FAM227A: variants seen among roughly 807,000 people sequenced by gnomAD.
FAM227A encodes the protein family with sequence similarity 227 member A.
Under a neutral mutation model 74.7 loss-of-function variants are expected in FAM227A, and 80 were observed. The observed-to-expected ratio is 1.07, with a 90% CI of 0.89 to 1.29. The LOEUF is 1.29. Ranked by LOEUF, FAM227A falls within the 50% of genes most tolerant of loss-of-function variation. The probability of loss-of-function intolerance (pLI) is 0.00; values close to 1 mark genes in which losing one functional copy is unlikely to be tolerated. For missense variants in FAM227A, 654 were observed against 683.4 expected (o/e 0.96, Z 0.48); for synonymous variants, 237 against 241.8 (o/e 0.98, Z 0.19).
At chr22:38,633,983 C>T (rs1014119336) in intron 6 of FAM227A, among the ~76,000 whole-genome samples, 5 of 151,860 alleles carry the variant, frequency 3.3e-5, no homozygotes, top group African/African-American at 9.7e-5. Context: ...CTTTGGGAGG[C>T]GGAGGCAGGT....
intron 11 of FAM227A, among the ~76,000 whole-genome samples, chr22:38,610,916 G>A (rs956613703): frequency 3.3e-5 from 5 of 151,866 alleles, no homozygotes; most frequent in Admixed American, 1.3e-4. Context: ...AAAAATTAGC[G>A]GGGAGTGGTG....
chr22:38,636,146 A>G (rs1011258904), intron 6 of FAM227A, among the ~76,000 whole-genome samples: 3 of 152,178 alleles, frequency 2.0e-5, no homozygotes, highest in Non-Finnish European at 4.4e-5. Context: ...GCATACTCAT[A>G]TGCATTGTAG....
At chr22:38,601,375 G>A (rs1411086774) in intron 13 of FAM227A, among the ~76,000 whole-genome samples, 1 of 151,408 alleles carries the variant, frequency 6.6e-6, no homozygotes, top group Non-Finnish European at 1.5e-5. Context: ...AGGACAGCAG[G>A]TGCAACAGAT....
chr22:38,638,096 C>T (rs139448877), intron 5 of FAM227A, among the ~76,000 whole-genome samples: 73 of 152,218 alleles, frequency 4.8e-4, no homozygotes, highest in African/African-American at 1.7e-3. Flanking sequence ...ACCCTGGGGG[C>T]GGAGGTTGCA....
chr22:38,621,409 T>C (rs925240572), intron 10 of FAM227A, among the ~76,000 whole-genome samples: 1 of 139,172 alleles, frequency 7.2e-6, no homozygotes, highest in Non-Finnish European at 1.5e-5. Context: ...ACTCCCTGAG[T>C]GTGCATGATG....
chr22:38,607,898 G>C (rs1327451947), intron 11 of FAM227A, among the ~76,000 whole-genome samples: 1 of 152,116 alleles, frequency 6.6e-6, no homozygotes, highest in East Asian at 1.9e-4. Flanking sequence ...TGTTTCACTG[G>C]GCAACTACTA....
chr22:38,641,952 T>TGC (rs1254438779), intron 3 of FAM227A, among the ~76,000 whole-genome samples: 1 of 137,294 alleles, frequency 7.3e-6, no homozygotes, highest in Non-Finnish European at 1.6e-5. Context: ...CGAAAAGGTG[T>TGC]GTGTGTGTGT....
intron 12 of FAM227A, among the ~76,000 whole-genome samples, chr22:38,607,006 G>A (rs1292462652): frequency 5.3e-5 from 8 of 151,844 alleles, no homozygotes; most frequent in Admixed American, 3.9e-4. Context: ...GTGAAACCGC[G>A]TCTCTACTAA....
At chr22:38,638,705 C>G in intron 5 of FAM227A, 41 bp downstream of exon 5, 1 of 1,392,802 alleles carries the variant, frequency 7.2e-7, no homozygotes. Flanking sequence ...TCATGCCTAG[C>G]AGAAGCCGGT....
At chr22:38,605,426 A>C in intron 12 of FAM227A, 78 bp from the exon 13 acceptor site, 1 of 815,476 alleles carries the variant, frequency 1.2e-6, no homozygotes, top group Admixed American at 2.2e-5. Context: ...AGTAGCTGGA[A>C]TTACAGGTGT....
chr22:38,617,402 T>C (rs958736855), intron 11 of FAM227A, among the ~76,000 whole-genome samples: 7 of 147,606 alleles, frequency 4.7e-5, no homozygotes, highest in Non-Finnish European at 1.0e-4. Context: ...TTAAAGCAAA[T>C]CTCTTGCCTC....
At position 38,585,922 on chromosome 22, in the gene FAM227A, G is replaced by A. The variant is rs2090796505; in HGVS notation, c.*203C>T. On this transcript the variant is annotated 3_prime_UTR_variant, in exon 17 of 17. Transcript: ENST00000535113. ...TGAAAGAGTAAATCTATGAATAAAT[G>A]TAGTGACCCAAGCACCAACTCTCTA... 1.7e-6 allele frequency: 2 copies of A among 1,191,390 alleles called. No homozygotes were observed. The highest frequency in any genetic ancestry group is 3.4e-5 in the South Asian group (2 of 59,094). 73.8% of individuals were successfully genotyped at this position (1,191,390 alleles called of 1,614,324 possible).
At chr22:38,654,775 CAAAAAAAAA>C (rs34383650) in intron 1 of FAM227A, among the ~76,000 whole-genome samples, 1 of 84,950 alleles carries the variant, frequency 1.2e-5, no homozygotes, top group East Asian at 3.2e-4. Flanking sequence ...CTAAAAATAC[CAAAAAAAAA>C]AAAAAAAAAA....
At chr22:38,642,662 G>C (rs2092141703) in intron 3 of FAM227A, among the ~76,000 whole-genome samples, 1 of 152,208 alleles carries the variant, frequency 6.6e-6, no homozygotes, top group Non-Finnish European at 1.5e-5. Context: ...GAGGCCGGGC[G>C]TGGTGGCTCA....
chr22:38,641,176 G>A (rs1778809066), intron 3 of FAM227A, among the ~76,000 whole-genome samples: 2 of 152,154 alleles, frequency 1.3e-5, no homozygotes, highest in Admixed American at 6.6e-5. Context: ...TGGGGGGAAA[G>A]ATGGTAAGAC....
At chr22:38,646,644 C>CATT (rs908779656) in intron 2 of FAM227A, among the ~76,000 whole-genome samples, 1 of 151,602 alleles carries the variant, frequency 6.6e-6, no homozygotes, top group Admixed American at 6.6e-5. Flanking sequence ...CTCTTCCAGT[C>CATT]ATTATTATTA....
At position 38,579,618 on chromosome 22, in the gene FAM227A, C is replaced by T. The variant is rs2090688740; in HGVS notation, c.*6507G>A. On this transcript the variant is annotated 3_prime_UTR_variant, in exon 17 of 17. Coordinates refer to ENST00000535113, the MANE Select transcript of FAM227A (RefSeq NM_001013647.2). ...AAAACAGTATAATATTCCCATCACC[C>T]ATCTTCAACAATTTTCAACACATGG... is the stretch of plus-strand genomic sequence containing the variant. The T allele has an allele frequency of 6.6e-6, 1 of 152,126 alleles. No individual in the cohort carries two copies. The highest frequency in any genetic ancestry group is 1.9e-4 in the East Asian group (1 of 5,198). 9.4% of individuals were successfully genotyped at this position (152,126 alleles called of 1,614,324 possible). A position where few individuals can be genotyped will look rare whatever the true frequency, so the allele number is the denominator to read the frequency against.
At chr22:38,586,568 A>C (rs905515547) in intron 16 of FAM227A, among the ~76,000 whole-genome samples, 1 of 152,222 alleles carries the variant, frequency 6.6e-6, no homozygotes, top group African/African-American at 2.4e-5. Flanking sequence ...TCACACCTCC[A>C]GATGTGAATC....
intron 11 of FAM227A, among the ~76,000 whole-genome samples, chr22:38,614,991 A>T (rs2091545101): frequency 6.6e-6 from 1 of 152,198 alleles, no homozygotes; most frequent in African/African-American, 2.4e-5. Flanking sequence ...GAAGTCCAGA[A>T]ATATTTGTTA....
Sources: allele counts gnomAD v4.1 joint callset (sites outside exome capture counted in the v4.1 genomes callset), GRCh38; gene constraint gnomAD v4.1.1; transcripts MANE v1.5; gene names NCBI Gene and HGNC (gene_info 2026-07-23, HGNC 2026-07-21).